AP1G1: variants seen among roughly 807,000 people sequenced by gnomAD.
AP1G1 encodes the protein adaptor related protein complex 1 subunit gamma 1.
AP1G1 carries 7 observed loss-of-function variants against 108.3 expected under a neutral mutation model. The ratio of observed to expected loss-of-function variants is 0.06; its 90% CI spans 0.04 to 0.12. The LOEUF (loss-of-function observed/expected upper bound fraction) is 0.12, where lower values mean the gene tolerates loss of function less well. Among genes scored for constraint, AP1G1 ranks in the 10% least tolerant of loss-of-function variants. The pLI is 1.00. For synonymous variants in AP1G1, 379 were observed against 353.5 expected, an observed-to-expected ratio of 1.07 and a Z score of -0.81; for missense variants, 756 against 1,010.7, an observed-to-expected ratio of 0.75 and a Z score of 3.42.
chr16:71,734,894 T>A (rs1255329020), intron 21 of AP1G1, among the ~76,000 whole-genome samples, 187 bp from the exon 22 acceptor site: 1 of 152,228 alleles, frequency 6.6e-6, no homozygotes, highest in Non-Finnish European at 1.5e-5. Flanking sequence ...CTGTGGTATT[T>A]GTAAAAATCC....
At chr16:71,770,961 G>A (rs1263143497) in intron 5 of AP1G1, among the ~76,000 whole-genome samples, 195 bp downstream of exon 5, 3 of 152,118 alleles carry the variant, frequency 2.0e-5, no homozygotes, top group Non-Finnish European at 4.4e-5. Context: ...TACTATGAAG[G>A]AATCAATCTC....
intron 16 of AP1G1, 181 bp from the exon 17 acceptor site, chr16:71,746,873 T>C: frequency 2.1e-6 from 1 of 486,234 alleles, no homozygotes; most frequent in Non-Finnish European, 3.7e-6. Context: ...ACATTCGCAT[T>C]ATACTATTCT....
chr16:71,771,138 A>C lies in AP1G1; in HGVS notation c.565+18T>G. The C allele has an allele frequency of 6.9e-7, 1 of 1,454,760 alleles. No homozygotes were observed. Among genetic ancestry groups the C allele is most frequent in the Middle Eastern group, 1.7e-4 (1 of 5,772 alleles). 90.1% of individuals were successfully genotyped at this position (1,454,760 alleles called of 1,614,324 possible). The stretch of plus-strand genomic sequence containing the variant: ...CTTTCTCCCTCAATACTTCATGAAT[A>C]CATCCAAATTACATTACCATGGTTC... On this transcript the variant is annotated intron_variant, in intron 5 of 22. Coordinates refer to ENST00000299980, the MANE Select transcript of AP1G1 (RefSeq NM_001128.6).
At chr16:71,734,873 G>C (rs1027262660) in intron 21 of AP1G1, among the ~76,000 whole-genome samples, 166 bp from the exon 22 acceptor site, 5 of 152,222 alleles carry the variant, frequency 3.3e-5, no homozygotes, top group African/African-American at 4.8e-5. Context: ...CACAGCACGT[G>C]AGTTGACTCC....
intron 6 of AP1G1, among the ~76,000 whole-genome samples, chr16:71,768,061 G>A (rs553875989): frequency 6.6e-6 from 1 of 151,716 alleles, no homozygotes; most frequent in African/African-American, 2.4e-5. Context: ...AAAGTACAAA[G>A]TGAGTTCTAT....
intron 6 of AP1G1, among the ~76,000 whole-genome samples, chr16:71,768,542 G>A (rs543950772): frequency 2.2e-5 from 3 of 137,618 alleles, no homozygotes; most frequent in Non-Finnish European, 4.7e-5. Flanking sequence ...AGAGAACTAA[G>A]ACTTCCATCA....
At chr16:71,800,930 G>C (rs1288778398) in intron 1 of AP1G1, among the ~76,000 whole-genome samples, 1 of 151,644 alleles carries the variant, frequency 6.6e-6, no homozygotes, top group African/African-American at 2.4e-5. Context: ...GGGAGGCGGA[G>C]GTTGCGGTGA....
intron 12 of AP1G1, among the ~76,000 whole-genome samples, chr16:71,754,498 TA>T (rs2145445681): frequency 6.6e-6 from 1 of 152,234 alleles, no homozygotes; most frequent in African/African-American, 2.4e-5. Context: ...CAAAGAGTGA[TA>T]AAAAGGTATA....
Position 71,739,325 on chromosome 16 carries a change from A to G in AP1G1, c.2016T>C (p.Ala672=), listed in dbSNP as rs1480369012. ...TCTGTGGGACTGAGGCAGGGGCAGG[A>G]GCAGCAGCTGGAGCACCTAAAGGAA... ...DINLTGAPAA[A]PAPASVPQIS... The change falls in exon 20 of 23, where the codon GCT becomes GCC. Residue 672 remains alanine (A), a synonymous_variant. Coordinates refer to ENST00000299980, the MANE Select transcript of AP1G1 (RefSeq NM_001128.6). The G allele has an allele frequency of 5.6e-6, 9 of 1,603,184 alleles. No homozygotes were observed. Among genetic ancestry groups the G allele is most frequent in the Non-Finnish European group, 7.6e-6 (9 of 1,177,422 alleles).
At chr16:71,802,632 A>C (rs1235345891) in intron 1 of AP1G1, among the ~76,000 whole-genome samples, 1 of 151,966 alleles carries the variant, frequency 6.6e-6, no homozygotes, top group East Asian at 1.9e-4. Flanking sequence ...TGGGAGGCTG[A>C]GGCAGAAGAA....
intron 1 of AP1G1, among the ~76,000 whole-genome samples, chr16:71,792,239 G>A (rs1567662393): frequency 6.6e-6 from 1 of 152,132 alleles, no homozygotes. Context: ...AGTATGGCAG[G>A]TTGAAAGACC....
At chr16:71,739,409 G>A in intron 19 of AP1G1, 68 bp from the exon 20 acceptor site, 2 of 1,264,960 alleles carry the variant, frequency 1.6e-6, no homozygotes, top group Non-Finnish European at 2.2e-6. Flanking sequence ...GAAATTATAG[G>A]GAAAATTATT....
intron 3 of AP1G1, among the ~76,000 whole-genome samples, chr16:71,773,963 T>C (rs1294786049): frequency 4.8e-5 from 7 of 147,142 alleles, no homozygotes; most frequent in Admixed American, 4.7e-4. Flanking sequence ...AGAAACGGGG[T>C]TTCACCACAT....
chr16:71,767,499 C>T (rs889149396), intron 6 of AP1G1, among the ~76,000 whole-genome samples: 1 of 152,176 alleles, frequency 6.6e-6, no homozygotes, highest in East Asian at 1.9e-4. Flanking sequence ...TACCCACATG[C>T]GGTTCTAAAA....
chr16:71,796,060 C>T (rs1446556189), intron 1 of AP1G1, among the ~76,000 whole-genome samples: 5 of 152,078 alleles, frequency 3.3e-5, no homozygotes, highest in African/African-American at 7.2e-5. Flanking sequence ...AACATGGCGA[C>T]ACCCAGTCTC....
intron 2 of AP1G1, among the ~76,000 whole-genome samples, chr16:71,776,422 T>G (rs1441296701): frequency 6.6e-6 from 1 of 152,184 alleles, no homozygotes; most frequent in Non-Finnish European, 1.5e-5. Context: ...GAATTTAAAT[T>G]TAAACAGCAA....
At chr16:71,733,449 T>C (rs1474701250) in intron 22 of AP1G1, among the ~76,000 whole-genome samples, 2 of 53,306 alleles carry the variant, frequency 3.8e-5, no homozygotes, top group African/African-American at 6.9e-5. Context: ...TTTTCTTTTC[T>C]TTTCTTTTGA....
chr16:71,771,256 TG>T lies in AP1G1; in HGVS notation c.469-5del, dbSNP rs111908998. ...CATGAACAGCACACAGTGCTGCCTA[TG>T]AAAAAAAAAATAAAAGAACAAAAGG... On this transcript the variant is annotated splice_region_variant and splice_polypyrimidine_tract_variant and intron_variant, in intron 4 of 22. Transcript: ENST00000299980. 25,729 of 1,065,236 alleles carry T rather than the reference TG, an allele frequency of 0.024. 2 individuals carry two copies. The highest frequency in any genetic ancestry group is 0.041 in the South Asian group (2,138 of 52,706). The allele number at this position is 1,065,236 out of a possible 1,614,324, so 66.0% of individuals were successfully genotyped here. A position where few individuals can be genotyped will look rare whatever the true frequency, so the allele number is the denominator to read the frequency against.
intron 21 of AP1G1, among the ~76,000 whole-genome samples, chr16:71,736,728 G>A (rs2145411865): frequency 6.7e-6 from 1 of 149,846 alleles, no homozygotes; most frequent in East Asian, 2.0e-4. Flanking sequence ...TGACACTACA[G>A]GCGCCCGCCA....
Sources: allele counts gnomAD v4.1 joint callset (sites outside exome capture counted in the v4.1 genomes callset), GRCh38; gene constraint gnomAD v4.1.1; transcripts MANE v1.5; gene names NCBI Gene and HGNC (gene_info 2026-07-23, HGNC 2026-07-21).